TTC28: variants seen among roughly 807,000 people sequenced by gnomAD.
TTC28 encodes the protein tetratricopeptide repeat domain 28, also known as tetratricopeptide repeat protein 28.
A neutral mutation model predicts 198.0 loss-of-function variants in TTC28; 61 were observed. The ratio of observed to expected loss-of-function variants is 0.31; its 90% confidence interval spans 0.25 to 0.38. TTC28 has a LOEUF of 0.38. TTC28 is among the 10% of genes least tolerant of loss of function. TTC28 has a pLI of 1.00. For synonymous variants in TTC28, 1,171 were observed against 1,297.8 expected, an observed-to-expected ratio of 0.90 and a Z score of 2.10; for missense variants, 2,678 against 3,164.0, an observed-to-expected ratio of 0.85 and a Z score of 3.69.
intron 5 of TTC28, among the ~76,000 whole-genome samples, chr22:28,265,663 C>T (rs533871045): frequency 3.3e-5 from 5 of 152,202 alleles, no homozygotes; most frequent in African/African-American, 4.8e-5. Flanking sequence ...CTTGTTTATA[C>T]GCTTAAAATT....
intron 2 of TTC28, among the ~76,000 whole-genome samples, chr22:28,501,308 T>C (rs930562651): frequency 3.3e-5 from 5 of 152,074 alleles, no homozygotes; most frequent in African/African-American, 1.2e-4. Context: ...CTGGAGCCTG[T>C]TATTAATTAT....
At position 28,417,547 on chromosome 22, in the gene TTC28, C is replaced by T. The variant is rs695344; in HGVS notation, c.382-110904G>A. Among the ~76,000 whole-genome samples the T allele has an allele frequency of 8.5e-3, 1,285 of 152,058 alleles. 32 individuals are homozygous for T. The highest frequency in any genetic ancestry group is 0.084 in the East Asian group (432 of 5,172). ...TGGACAGACATTCTAAAAAGATAGA[C>T]GACATATGGCTGACTTAGACGACTC... On this transcript the variant is annotated intron_variant, in intron 2 of 22. Transcript: ENST00000397906.
intron 2 of TTC28, among the ~76,000 whole-genome samples, chr22:28,323,142 T>A (rs2045473204): frequency 6.6e-6 from 1 of 152,162 alleles, no homozygotes; most frequent in South Asian, 2.1e-4. Context: ...CGCTGGGCAA[T>A]CTCAGGCTAG....
chr22:28,081,814 T>C (rs1941374268), intron 12 of TTC28, among the ~76,000 whole-genome samples: 1 of 152,156 alleles, frequency 6.6e-6, no homozygotes. Flanking sequence ...TTGCTAGGGA[T>C]TACACTGAAT....
At chr22:28,368,261 G>A (rs886630352) in intron 2 of TTC28, among the ~76,000 whole-genome samples, 4 of 151,896 alleles carry the variant, frequency 2.6e-5, no homozygotes, top group African/African-American at 9.7e-5. Context: ...AAGTCAATGT[G>A]ATACATCATA....
At chr22:28,671,502 G>A (rs560185585) in intron 1 of TTC28, among the ~76,000 whole-genome samples, 1 of 151,676 alleles carries the variant, frequency 6.6e-6, no homozygotes, top group South Asian at 2.1e-4. Context: ...AGGCGTGGTG[G>A]CGGGAGCCTG....
Position 27,980,556 on chromosome 22 carries a change from A to T in TTC28, c.*1665T>A, listed in dbSNP as rs767633945. ...ATGCGCAGAAGCTGAGATCCCACCCATGGTTAAAACCCCCACCTGGGGATC... is the reference window on the plus strand; with the variant it reads ...ATGCGCAGAAGCTGAGATCCCACCCTTGGTTAAAACCCCCACCTGGGGATC... On this transcript the variant is annotated 3_prime_UTR_variant, in exon 23 of 23. Transcript: ENST00000397906. 6.6e-6 allele frequency: 1 copy of T among 152,256 alleles called. No individual in the cohort carries two copies. The highest frequency in any genetic ancestry group is 1.5e-5 in the Non-Finnish European group (1 of 68,058). The allele number at this position is 152,256 out of a possible 1,614,324, so 9.4% of individuals were successfully genotyped here.
At chr22:28,596,470 A>G in intron 2 of TTC28, among the ~76,000 whole-genome samples, 1 of 152,204 alleles carries the variant, frequency 6.6e-6, no homozygotes, top group East Asian at 1.9e-4. Flanking sequence ...GAATTGCTGT[A>G]TTTGCCTAGT....
chr22:28,252,091 G>A (rs1350617650), intron 5 of TTC28, among the ~76,000 whole-genome samples: 1 of 152,144 alleles, frequency 6.6e-6, no homozygotes, highest in Non-Finnish European at 1.5e-5. Flanking sequence ...TGCTATAACT[G>A]CCTTTCCAGA....
At chr22:28,440,127 C>T (rs137983637) in intron 2 of TTC28, among the ~76,000 whole-genome samples, 8 of 152,298 alleles carry the variant, frequency 5.3e-5, no homozygotes, top group East Asian at 1.9e-4. Flanking sequence ...TGAGCCATCA[C>T]GACCAGCCAG....
intron 12 of TTC28, among the ~76,000 whole-genome samples, chr22:28,038,136 A>G (rs544193096): frequency 1.3e-5 from 2 of 152,324 alleles, no homozygotes; most frequent in South Asian, 2.1e-4. Context: ...TCAAGCTACC[A>G]ATGACTTTCT....
chr22:28,388,297 C>T (rs533277918), intron 2 of TTC28, among the ~76,000 whole-genome samples: 1 of 152,300 alleles, frequency 6.6e-6, no homozygotes, highest in East Asian at 1.9e-4. Context: ...CAGCTTTGTT[C>T]TTTTGGCTTA....
At chr22:28,070,007 C>A in intron 12 of TTC28, among the ~76,000 whole-genome samples, 1 of 151,668 alleles carries the variant, frequency 6.6e-6, no homozygotes. Context: ...CTGGTATTAA[C>A]CCAGGTTGCT....
At chr22:28,663,185 T>C (rs989889799) in intron 1 of TTC28, among the ~76,000 whole-genome samples, 2 of 150,702 alleles carry the variant, frequency 1.3e-5, no homozygotes, top group South Asian at 2.1e-4. Context: ...GAGGCAGAGA[T>C]TGCAGTGAGC....
intron 2 of TTC28, among the ~76,000 whole-genome samples, chr22:28,355,574 T>C (rs2075214411): frequency 6.6e-6 from 1 of 152,224 alleles, no homozygotes; most frequent in South Asian, 2.1e-4. Context: ...ATTTCACTAA[T>C]AAACAAAAAT....
chr22:28,078,508 A>G (rs1451252240), intron 12 of TTC28, among the ~76,000 whole-genome samples: 3 of 152,080 alleles, frequency 2.0e-5, no homozygotes, highest in African/African-American at 4.8e-5. Context: ...CTACATAAAT[A>G]TAAAACTGGA....
At chr22:28,289,050 G>C (rs1444603167) in intron 5 of TTC28, among the ~76,000 whole-genome samples, 2 of 152,178 alleles carry the variant, frequency 1.3e-5, no homozygotes, top group African/African-American at 4.8e-5. Flanking sequence ...AAAGTTCTTA[G>C]AGGAGGGTAC....
Position 28,660,381 on chromosome 22 carries a change from A to T in TTC28, c.102+19241T>A, listed in dbSNP as rs140661071. 6.7e-4 allele frequency among the ~76,000 whole-genome samples: 102 copies of T among 152,296 alleles called. No homozygotes were observed. The East Asian group carries it at 0.016, about 23-fold the overall frequency. On this transcript the variant is annotated intron_variant, in intron 1 of 22. Coordinates refer to ENST00000397906, the MANE Select transcript of TTC28 (RefSeq NM_001145418.2). ...CGCTCTGTTGCCCAGACTGGAATGC[A>T]GTGGCACCATCTCAGCTCACTGCAA...
chr22:28,654,297 G>C (rs370243571), intron 1 of TTC28, among the ~76,000 whole-genome samples: 179 of 152,298 alleles, frequency 1.2e-3, no homozygotes, highest in Middle Eastern at 3.4e-3. Context: ...GCCTGGTGAG[G>C]AACTGCTCAG....
Sources: allele counts gnomAD v4.1 joint callset (sites outside exome capture counted in the v4.1 genomes callset), GRCh38; gene constraint gnomAD v4.1.1; transcripts MANE v1.5; gene names NCBI Gene and HGNC (gene_info 2026-07-23, HGNC 2026-07-21).